The following SMARCAL1 variants were observed in gnomAD, a reference collection of about 807,000 sequenced individuals.
The protein encoded by SMARCAL1 is SNF2 related chromatin remodeling annealing helicase 1, also known as ATP-driven annealing helicase.
A neutral mutation model predicts 94.5 loss-of-function variants in SMARCAL1; 58 were observed. That is an observed-to-expected ratio of 0.61 (90% CI 0.50 to 0.76). SMARCAL1 has a LOEUF of 0.76. SMARCAL1 is among the 30% of genes least tolerant of loss of function. SMARCAL1 has a pLI of 0.00. For synonymous variants in SMARCAL1, 422 were observed against 455.1 expected, an observed-to-expected ratio of 0.93 and a Z score of 0.93; for missense variants, 1,051 against 1,177.9, an observed-to-expected ratio of 0.89 and a Z score of 1.58.
chr2:216,450,843 C>T lies in SMARCAL1; in HGVS notation c.1852-3C>T, dbSNP rs1432161698. ...GGGGCTGTCGCTGTCTTGTTCTCTG[C>T]AGATGCCTTGGGGGTGGGACTACTC... On this transcript the variant is annotated splice_polypyrimidine_tract_variant and splice_region_variant and intron_variant, in intron 11 of 17. Transcript: ENST00000357276. 6.2e-7 allele frequency: 1 copy of T among 1,612,500 alleles called. No individual in the cohort carries two copies. The highest frequency in any genetic ancestry group is 1.1e-5 in the South Asian group (1 of 91,030).
chr2:216,481,676 T>C (rs1484334403), intron 17 of SMARCAL1, among the ~76,000 whole-genome samples: 1 of 151,904 alleles, frequency 6.6e-6, no homozygotes, highest in African/African-American at 2.4e-5. Context: ...GCTAATTTTT[T>C]GTATTTTTAG....
Position 216,467,450 on chromosome 2 carries a change from G to A in SMARCAL1, c.2142-494G>A, listed in dbSNP as rs757637590. On this transcript the variant is annotated intron_variant, in intron 13 of 17. Coordinates refer to ENST00000357276, the MANE Select transcript of SMARCAL1 (RefSeq NM_014140.4). ...TTCAGCACTGCACTCCAGCCTGGGC[G>A]ACAGAGCGAAACTCAGTCTCAAAAA... Among the ~76,000 whole-genome samples, 69 of 133,144 alleles carry A rather than the reference G, an allele frequency of 5.2e-4. 1 individual carries two copies. The highest frequency in any genetic ancestry group is 8.6e-4 in the Non-Finnish European group (56 of 65,288). 87.3% of individuals were successfully genotyped at this position (133,144 alleles called of 152,430 possible). A position where few individuals can be genotyped will look rare whatever the true frequency, so the allele number is the denominator to read the frequency against.
chr2:216,470,833 C>T (rs1574481146), intron 14 of SMARCAL1, among the ~76,000 whole-genome samples: 1 of 23,826 alleles, frequency 4.2e-5, no homozygotes, highest in Non-Finnish European at 6.6e-5. Context: ...CTCCCAAGAA[C>T]ATCTCAAAAA....
rs778331995 is a variant in SMARCAL1 at position 216,478,191 on chromosome 2, T to G, written c.2529-12T>G. 6 of 1,612,494 alleles carry G rather than the reference T, an allele frequency of 3.7e-6. No individual in the cohort carries two copies. In the South Asian group the frequency reaches 5.5e-5, roughly 15 times the overall value. On this transcript the variant is annotated splice_polypyrimidine_tract_variant and intron_variant, in intron 16 of 17. Coordinates refer to ENST00000357276, the MANE Select transcript of SMARCAL1 (RefSeq NM_014140.4). Reference sequence around the variant, plus strand: ...CAGGTTGTATTCACTGCAGCTCATTTCTCCCCAACAGGCCCCTGATTCAAG... The same window carrying G: ...CAGGTTGTATTCACTGCAGCTCATTGCTCCCCAACAGGCCCCTGATTCAAG...
intron 4 of SMARCAL1, among the ~76,000 whole-genome samples, chr2:216,419,182 C>A (rs1693662338): frequency 6.6e-6 from 1 of 152,158 alleles, no homozygotes; most frequent in South Asian, 2.1e-4. Context: ...AATTGTTTTC[C>A]AGCAGGTTTT....
At chr2:216,467,795 C>T in intron 13 of SMARCAL1, 149 bp from the exon 14 acceptor site, 1 of 652,612 alleles carries the variant, frequency 1.5e-6, no homozygotes, top group East Asian at 2.9e-5. Context: ...GTATTTAAAA[C>T]ACATTATAAT....
intron 12 of SMARCAL1, among the ~76,000 whole-genome samples, chr2:216,457,570 C>A (rs1266688342): frequency 2.0e-5 from 3 of 152,132 alleles, no homozygotes; most frequent in Non-Finnish European, 4.4e-5. Flanking sequence ...AACTGAACAA[C>A]CTGCTCCTGA....
At chr2:216,465,044 G>T (rs367905056) in intron 13 of SMARCAL1, among the ~76,000 whole-genome samples, 1 of 152,186 alleles carries the variant, frequency 6.6e-6, no homozygotes, top group South Asian at 2.1e-4. Context: ...CTACTCAGGA[G>T]GCTGAGGAGG....
chr2:216,438,734 C>T (rs1295549867), intron 10 of SMARCAL1, among the ~76,000 whole-genome samples: 2 of 152,060 alleles, frequency 1.3e-5, no homozygotes, highest in South Asian at 2.1e-4. Context: ...CTTTGTCTCT[C>T]GAAGGTCAAG....
chr2:216,437,740 A>G (rs751402364), intron 9 of SMARCAL1, among the ~76,000 whole-genome samples: 14 of 151,678 alleles, frequency 9.2e-5, no homozygotes, highest in South Asian at 2.1e-4. Flanking sequence ...TCAACTCTAT[A>G]TTTGCTTATG....
chr2:216,461,418 A>G (rs965799900), intron 12 of SMARCAL1, among the ~76,000 whole-genome samples: 8 of 152,010 alleles, frequency 5.3e-5, no homozygotes, highest in Admixed American at 1.3e-4. Context: ...TATATATGCA[A>G]TAAGCAATAT....
intron 9 of SMARCAL1, among the ~76,000 whole-genome samples, chr2:216,437,923 T>A (rs1165081558): frequency 6.6e-6 from 1 of 152,192 alleles, no homozygotes; most frequent in Non-Finnish European, 1.5e-5. Flanking sequence ...CCCAGCACTT[T>A]GTTTACACTC....
At chr2:216,467,482 A>G (rs1319177249) in intron 13 of SMARCAL1, among the ~76,000 whole-genome samples, 1 of 151,626 alleles carries the variant, frequency 6.6e-6, no homozygotes, top group Non-Finnish European at 1.5e-5. Flanking sequence ...AAAAAAAAAA[A>G]AAAAAAAAAA....
At chr2:216,416,599 G>A (rs1366140864) in intron 4 of SMARCAL1, among the ~76,000 whole-genome samples, 1 of 152,138 alleles carries the variant, frequency 6.6e-6, no homozygotes, top group East Asian at 1.9e-4. Context: ...TTACAGATGG[G>A]GAAACTGAGG....
chr2:216,465,185 C>T (rs1385589065), intron 13 of SMARCAL1, among the ~76,000 whole-genome samples: 1 of 152,158 alleles, frequency 6.6e-6, no homozygotes, highest in Admixed American at 6.5e-5. Context: ...TTAGGGCACC[C>T]TGCTGTTAAT....
intron 14 of SMARCAL1, among the ~76,000 whole-genome samples, chr2:216,474,646 T>C (rs1574483649): frequency 6.6e-6 from 1 of 151,698 alleles, no homozygotes; most frequent in African/African-American, 2.4e-5. Context: ...TCCCACCTAG[T>C]TGGGAGGCTG....
chr2:216,460,985 T>TA (rs1382493850), intron 12 of SMARCAL1, among the ~76,000 whole-genome samples: 1 of 151,290 alleles, frequency 6.6e-6, no homozygotes, highest in Non-Finnish European at 1.5e-5. Context: ...AGAAAGTTAC[T>TA]AAAAAAACAA....
At chr2:216,414,573 T>A in intron 2 of SMARCAL1, 74 bp from the exon 3 acceptor site, 1 of 803,940 alleles carries the variant, frequency 1.2e-6, no homozygotes. Flanking sequence ...GACAAAAGCT[T>A]GTTAAAATCA....
intron 5 of SMARCAL1, among the ~76,000 whole-genome samples, chr2:216,422,699 A>C (rs1026074742): frequency 6.6e-6 from 1 of 152,240 alleles, no homozygotes; most frequent in Non-Finnish European, 1.5e-5. Context: ...CTCTGTGTCC[A>C]TGATGCCTTT....
Sources: gnomAD v4.1 joint callset for allele counts (sites outside exome capture counted in the v4.1 genomes callset) on GRCh38, gnomAD v4.1.1 for gene constraint, MANE v1.5 for transcripts, NCBI Gene and HGNC (gene_info 2026-07-23, HGNC 2026-07-21) for gene names.